The following SLC18A1 variants were observed in gnomAD, a reference collection of about 807,000 sequenced individuals.
SLC18A1 encodes chromaffin granule amine transporter.
In SLC18A1, 69 loss-of-function variants were observed where a neutral mutation model predicts 53.7. That is an observed-to-expected ratio of 1.28 (90% confidence interval 1.06 to 1.57). The LOEUF (loss-of-function observed/expected upper bound fraction) is 1.57. Among genes scored for constraint, SLC18A1 ranks in the 40% most tolerant of loss-of-function variants. The pLI is 0.00. For synonymous variants in SLC18A1, 320 were observed against 248.1 expected, an observed-to-expected ratio of 1.29 and a Z score of -2.72; for missense variants, 932 against 668.1, an observed-to-expected ratio of 1.40 and a Z score of -4.35.
chr8:20,151,836 A>G (rs2071563851), intron 10 of SLC18A1, among the ~76,000 whole-genome samples: 1 of 152,150 alleles, frequency 6.6e-6, no homozygotes, highest in Non-Finnish European at 1.5e-5. Flanking sequence ...ACAAACTTTG[A>G]CCATGTGTCA....
chr8:20,151,041 A>G, intron 10 of SLC18A1: 1 of 328,034 alleles, frequency 3.0e-6, no homozygotes, highest in Non-Finnish European at 5.8e-6. Context: ...GTACAATCTC[A>G]GCCCACTGCA....
rs1464708102 is a variant in SLC18A1 at position 20,145,482 on chromosome 8, C to G, written c.*281G>C. The G allele has an allele frequency of 1.1e-5, 3 of 271,464 alleles. No homozygotes were observed. Among genetic ancestry groups the G allele is most frequent in the Non-Finnish European group, 2.1e-5 (3 of 144,426 alleles). 16.8% of individuals were successfully genotyped at this position (271,464 alleles called of 1,614,324 possible). A position where few individuals can be genotyped will look rare whatever the true frequency, so the allele number is the denominator to read the frequency against. On this transcript the variant is annotated 3_prime_UTR_variant, in exon 16 of 16. Transcript: ENST00000276373. ...GCAATGAGTCACCCCTTGCAGAACC[C>G]GTCACAGCTCAAGTTTAATCAACCT...
intron 10 of SLC18A1, among the ~76,000 whole-genome samples, chr8:20,152,993 C>A (rs1266393149): frequency 1.3e-5 from 2 of 152,164 alleles, no homozygotes; most frequent in Admixed American, 1.3e-4. Flanking sequence ...TTTATCATAG[C>A]TTCTGTTTTC....
At chr8:20,151,932 C>T (rs1477125570) in intron 10 of SLC18A1, among the ~76,000 whole-genome samples, 1 of 152,128 alleles carries the variant, frequency 6.6e-6, no homozygotes, top group Non-Finnish European at 1.5e-5. Context: ...GGGAGGGAGA[C>T]ATACAATGAA....
At chr8:20,171,183 T>C in intron 7 of SLC18A1, 37 bp from the exon 8 acceptor site, 1 of 1,610,810 alleles carries the variant, frequency 6.2e-7, no homozygotes. Flanking sequence ...TCAGCGTGTC[T>C]ACTGATTAGC....
intron 10 of SLC18A1, among the ~76,000 whole-genome samples, chr8:20,161,098 G>A (rs1313933089): frequency 1.3e-5 from 2 of 152,140 alleles, no homozygotes; most frequent in African/African-American, 4.8e-5. Context: ...TCATGTCCTT[G>A]TCACAATGCA....
At chr8:20,153,101 T>C (rs2071599218) in intron 10 of SLC18A1, among the ~76,000 whole-genome samples, 3 of 152,078 alleles carry the variant, frequency 2.0e-5, no homozygotes, top group East Asian at 1.9e-4. Context: ...AATAGTCATT[T>C]TGGAAAAGAA....
chr8:20,149,416 C>A (rs1441572246), intron 12 of SLC18A1, among the ~76,000 whole-genome samples: 2 of 152,094 alleles, frequency 1.3e-5, no homozygotes, highest in Admixed American at 6.5e-5. Flanking sequence ...CCCTCTTCCT[C>A]TCCTTTCCCA....
At chr8:20,146,343 G>A (rs11989335) in intron 15 of SLC18A1, among the ~76,000 whole-genome samples, 1 of 152,064 alleles carries the variant, frequency 6.6e-6, no homozygotes, top group Non-Finnish European at 1.5e-5. Flanking sequence ...CCAGCCTCCC[G>A]GGGTACCTAG....
chr8:20,150,661 C>T lies in SLC18A1; in HGVS notation c.1094+5G>A, dbSNP rs754532667. 3 of 1,613,618 alleles carry T rather than the reference C, an allele frequency of 1.9e-6. No homozygotes were observed. The highest frequency in any genetic ancestry group is 1.1e-5 in the South Asian group (1 of 91,066). ...CTGTTCGTCCCAGATCCCGAGGCTA[C>T]ATACCGACCCATCTTGTTGGCCAAC... On this transcript the variant is annotated splice_donor_5th_base_variant and intron_variant, in intron 11 of 15. Coordinates refer to ENST00000276373, the MANE Select transcript of SLC18A1 (RefSeq NM_003053.4).
At chr8:20,176,075 T>C (rs112355058) in intron 4 of SLC18A1, among the ~76,000 whole-genome samples, 57 of 152,318 alleles carry the variant, frequency 3.7e-4, no homozygotes, top group African/African-American at 1.3e-3. Context: ...CATGGGTTGT[T>C]TGTCCCCACC....
At position 20,147,685 on chromosome 8, in the gene SLC18A1, G is replaced by C. The variant is rs1409688303; in HGVS notation, c.1248C>G (p.His416Gln). 2 of 1,613,782 alleles carry C rather than the reference G, an allele frequency of 1.2e-6. No individual in the cohort carries two copies. The highest frequency in any genetic ancestry group is 1.7e-6 in the Non-Finnish European group (2 of 1,179,950). Residue 416 changes from histidine to glutamine, a missense_variant, in exon 14 of 16, where the codon CAC becomes CAG. Physicochemically the swap from His to Gln is conservative, Grantham distance 24. Coordinates refer to ENST00000276373, the MANE Select transcript of SLC18A1 (RefSeq NM_003053.4). Reference protein sequence around the residue: ...VDSSMMPIMGHLVDLRHTSVY... With the variant: ...VDSSMMPIMGQLVDLRHTSVY... ...CCGAGGTGTGGCGTAGATCCACCAGGTGCCCCATGATGGGCATCATAGAAG... is the reference window on the plus strand; with the variant it reads ...CCGAGGTGTGGCGTAGATCCACCAGCTGCCCCATGATGGGCATCATAGAAG...
chr8:20,180,584 C>G (rs919577537), intron 2 of SLC18A1, among the ~76,000 whole-genome samples: 1 of 152,174 alleles, frequency 6.6e-6, no homozygotes, highest in Non-Finnish European at 1.5e-5. Context: ...GTTCTGGCTC[C>G]GGGCCATCCT....
intron 11 of SLC18A1, among the ~76,000 whole-genome samples, chr8:20,150,262 C>A (rs576774288): frequency 2.0e-5 from 3 of 152,320 alleles, no homozygotes; most frequent in Admixed American, 6.5e-5. Context: ...GGCCCCCAAC[C>A]CTTCCTCCTC....
intron 8 of SLC18A1, among the ~76,000 whole-genome samples, chr8:20,169,902 C>T (rs541118719): frequency 6.6e-6 from 1 of 152,198 alleles, no homozygotes; most frequent in South Asian, 2.1e-4. Context: ...TTTATGGGTG[C>T]CTCACTTTCC....
intron 11 of SLC18A1, among the ~76,000 whole-genome samples, chr8:20,149,951 G>A (rs1197631505): frequency 6.6e-6 from 1 of 152,100 alleles, no homozygotes; most frequent in African/African-American, 2.4e-5. Context: ...AGGCAGAGGA[G>A]GTGCCGTGGG....
At chr8:20,170,470 G>A (rs1451726904) in intron 8 of SLC18A1, among the ~76,000 whole-genome samples, 1 of 152,132 alleles carries the variant, frequency 6.6e-6, no homozygotes, top group East Asian at 1.9e-4. Flanking sequence ...CAAAGTCAAG[G>A]CCTTTAGATC....
chr8:20,171,200 C>T, intron 7 of SLC18A1, 54 bp from the exon 8 acceptor site: 1 of 1,575,736 alleles, frequency 6.3e-7, no homozygotes, highest in Non-Finnish European at 8.7e-7. Flanking sequence ...TAGCTGGGGG[C>T]TCCAATAACA....
chr8:20,166,102 A>C (rs1489413386), intron 8 of SLC18A1, among the ~76,000 whole-genome samples: 1 of 151,830 alleles, frequency 6.6e-6, no homozygotes, highest in Non-Finnish European at 1.5e-5. Context: ...CCTTTGACCC[A>C]ACAGTCCCAC....
Sources: allele counts gnomAD v4.1 joint callset (sites outside exome capture counted in the v4.1 genomes callset), GRCh38; gene constraint gnomAD v4.1.1; transcripts MANE v1.5; gene names NCBI Gene and HGNC (gene_info 2026-07-23, HGNC 2026-07-21).